ATP6V0E1: variants seen among roughly 807,000 people sequenced by gnomAD.
ATP6V0E1 encodes ATPase H+ transporting V0 subunit e1, also known as V-type proton ATPase subunit e 1.
In ATP6V0E1, 4 loss-of-function variants were observed where a neutral mutation model predicts 11.6. The observed-to-expected ratio is 0.35, with a 90% CI of 0.17 to 0.79. The LOEUF (loss-of-function observed/expected upper bound fraction) is 0.79, where lower values mean the gene tolerates loss of function less well. Among genes scored for constraint, ATP6V0E1 ranks in the 30% least tolerant of loss-of-function variants. The pLI is 0.54. For missense variants in ATP6V0E1, 105 were observed against 100.0 expected, an observed-to-expected ratio of 1.05 and a Z score of -0.21; for synonymous variants, 36 against 34.8, an observed-to-expected ratio of 1.04 and a Z score of -0.13.
intron 3 of ATP6V0E1, among the ~76,000 whole-genome samples, chr5:173,029,777 G>A (rs531954836): frequency 5.9e-5 from 9 of 152,088 alleles, no homozygotes; most frequent in South Asian, 2.1e-4. Context: ...AACTTTTGCC[G>A]GGTCACCAGC....
chr5:172,990,473 TTC>T (rs1007901955), intron 1 of ATP6V0E1, among the ~76,000 whole-genome samples: 2 of 152,180 alleles, frequency 1.3e-5, no homozygotes, highest in Non-Finnish European at 2.9e-5. Flanking sequence ...AACTCCATTT[TTC>T]TTTTTTTGTG....
At chr5:172,998,190 CTTTTTTTTTT>C (rs999790390) in intron 2 of ATP6V0E1, among the ~76,000 whole-genome samples, 4 of 104,888 alleles carry the variant, frequency 3.8e-5, no homozygotes, top group Admixed American at 1.0e-4. Flanking sequence ...AAAATTTAGT[CTTTTTTTTTT>C]TTTTTTTTTT....
At chr5:172,996,759 A>G (rs1756073365) in intron 2 of ATP6V0E1, among the ~76,000 whole-genome samples, 2 of 152,140 alleles carry the variant, frequency 1.3e-5, no homozygotes, top group South Asian at 2.1e-4. Context: ...GGCATAACAC[A>G]TATGTTAACA....
At chr5:173,031,196 G>A (rs1756645177) in intron 3 of ATP6V0E1, among the ~76,000 whole-genome samples, 1 of 151,486 alleles carries the variant, frequency 6.6e-6, no homozygotes, top group South Asian at 2.1e-4. Flanking sequence ...TGCCCGCCTC[G>A]GCTTCCCAAA....
intron 2 of ATP6V0E1, among the ~76,000 whole-genome samples, chr5:173,008,287 T>C (rs74476583): frequency 0.021 from 3,230 of 151,608 alleles, 66 homozygotes; most frequent in Middle Eastern, 0.045. Flanking sequence ...TGTTCCTTTT[T>C]TTTTCTTTTC....
At chr5:173,008,599 G>A (rs868255831) in intron 2 of ATP6V0E1, among the ~76,000 whole-genome samples, 8 of 138,860 alleles carry the variant, frequency 5.8e-5, no homozygotes, top group Non-Finnish European at 1.1e-4. Flanking sequence ...GTGCCCAGCC[G>A]AGTCCTTTTC....
intron 2 of ATP6V0E1, among the ~76,000 whole-genome samples, chr5:173,004,314 C>T (rs943898847): frequency 2.0e-5 from 3 of 152,100 alleles, no homozygotes; most frequent in African/African-American, 7.2e-5. Flanking sequence ...TAGGAGGCAG[C>T]ACAAGGGGAG....
intron 2 of ATP6V0E1, among the ~76,000 whole-genome samples, chr5:173,017,940 C>A (rs1001782592): frequency 6.6e-6 from 1 of 152,074 alleles, no homozygotes; most frequent in African/African-American, 2.4e-5. Context: ...TTTCACTCTC[C>A]CAGATTGGTA....
chr5:173,028,662 T>C (rs919918130), intron 3 of ATP6V0E1, among the ~76,000 whole-genome samples: 3 of 152,240 alleles, frequency 2.0e-5, no homozygotes, highest in Non-Finnish European at 4.4e-5. Flanking sequence ...CTTTCCTGAA[T>C]TGAAGAACCG....
In ATP6V0E1 at chr5:173,021,990, G is replaced by A. The variant is rs565487760; in HGVS notation, c.*36+1623G>A. 6.6e-5 allele frequency among the ~76,000 whole-genome samples: 10 copies of A among 152,250 alleles called. No individual in the cohort carries two copies. In the East Asian group the frequency reaches 1.2e-3, roughly 18 times the overall value. On this transcript the variant is annotated intron_variant, in intron 3 of 3. Coordinates refer to ENST00000519374, the MANE Select transcript of ATP6V0E1 (RefSeq NM_003945.4). ...GCAGAGCTTGCAGTGAGGCGAGATC[G>A]CGCCACTGCACTCCAGCCTGGGCGA... is the stretch of plus-strand genomic sequence containing the variant.
At chr5:172,992,060 A>AT (rs1455934135) in intron 1 of ATP6V0E1, among the ~76,000 whole-genome samples, 2 of 99,216 alleles carry the variant, frequency 2.0e-5, no homozygotes, top group East Asian at 2.8e-4. Flanking sequence ...TTTCTTTTTT[A>AT]TTTTTTTTGA....
chr5:173,006,601 G>A (rs1403122433), intron 2 of ATP6V0E1, among the ~76,000 whole-genome samples: 1 of 152,054 alleles, frequency 6.6e-6, no homozygotes, highest in East Asian at 1.9e-4. Flanking sequence ...GTGACAGAGT[G>A]AGACTCCATC....
chr5:173,014,493 A>G (rs553999578), intron 2 of ATP6V0E1, among the ~76,000 whole-genome samples: 28 of 152,356 alleles, frequency 1.8e-4, no homozygotes, highest in African/African-American at 5.0e-4. Flanking sequence ...AGATGAACGC[A>G]TGCAGAAAAT....
intron 3 of ATP6V0E1, among the ~76,000 whole-genome samples, chr5:173,023,060 T>C (rs929564718): frequency 1.3e-5 from 2 of 151,760 alleles, no homozygotes; most frequent in East Asian, 3.9e-4. Flanking sequence ...TCTCACCATC[T>C]TGCCTAAGTT....
chr5:173,006,050 G>T (rs994544237), intron 2 of ATP6V0E1, among the ~76,000 whole-genome samples: 1 of 152,164 alleles, frequency 6.6e-6, no homozygotes, highest in African/African-American at 2.4e-5. Context: ...CAGTTGAAAA[G>T]AATCTATATT....
chr5:173,019,658 T>G (rs1756451607), intron 2 of ATP6V0E1, among the ~76,000 whole-genome samples: 1 of 152,144 alleles, frequency 6.6e-6, no homozygotes, highest in Non-Finnish European at 1.5e-5. Context: ...TGAAGTAAAC[T>G]GGGGAGAAGG....
At chr5:173,031,654 TAA>T (rs760979758) in intron 3 of ATP6V0E1, among the ~76,000 whole-genome samples, 24 of 151,086 alleles carry the variant, frequency 1.6e-4, no homozygotes, top group Non-Finnish European at 3.1e-4. Context: ...CCGTCTCTAC[TAA>T]AAAATACAAA....
chr5:172,993,667 C>T (rs1756016702), intron 1 of ATP6V0E1, among the ~76,000 whole-genome samples: 1 of 142,082 alleles, frequency 7.0e-6, no homozygotes, highest in Non-Finnish European at 1.5e-5. Context: ...ACAACCTGGT[C>T]AACATATTGA....
At chr5:173,014,154 C>T (rs1399471212) in intron 2 of ATP6V0E1, among the ~76,000 whole-genome samples, 2 of 142,460 alleles carry the variant, frequency 1.4e-5, no homozygotes, top group East Asian at 4.0e-4. Flanking sequence ...AAGGGAGACT[C>T]CATCTTAAAA....
Sources: allele counts gnomAD v4.1 joint callset (sites outside exome capture counted in the v4.1 genomes callset), GRCh38; gene constraint gnomAD v4.1.1; transcripts MANE v1.5; gene names NCBI Gene and HGNC (gene_info 2026-07-23, HGNC 2026-07-21).